CATSPER3: variants seen among roughly 807,000 people sequenced by gnomAD.
CATSPER3 encodes cation channel sperm-associated protein 3.
Under a neutral mutation model 36.6 loss-of-function variants are expected in CATSPER3, and 23 were observed. The ratio of observed to expected loss-of-function variants is 0.63; its 90% CI spans 0.45 to 0.89. The LOEUF is 0.89. Among genes scored for constraint, CATSPER3 ranks in the 40% least tolerant of loss-of-function variants. The pLI, the probability that CATSPER3 is intolerant of heterozygous loss-of-function variation, is 0.00. For missense variants in CATSPER3, 474 were observed against 503.9 expected, an observed-to-expected ratio of 0.94 and a Z score of 0.57; for synonymous variants, 172 against 184.1, an observed-to-expected ratio of 0.93 and a Z score of 0.53.
chr5:134,972,908 T>G (rs539956919), intron 2 of CATSPER3, among the ~76,000 whole-genome samples: 33 of 152,328 alleles, frequency 2.2e-4, no homozygotes, highest in African/African-American at 7.9e-4. Context: ...CAATGCAATG[T>G]GGCTTATAAG....
At chr5:135,008,227 C>A in intron 4 of CATSPER3, 88 bp downstream of exon 4, 1 of 1,105,034 alleles carries the variant, frequency 9.0e-7, no homozygotes, top group Non-Finnish European at 1.4e-6. Context: ...TGGGGCCTCA[C>A]ATGGGGCTTT....
At chr5:134,990,571 A>T (rs1185273230) in intron 2 of CATSPER3, among the ~76,000 whole-genome samples, 1 of 152,226 alleles carries the variant, frequency 6.6e-6, no homozygotes, top group Admixed American at 6.5e-5. Context: ...CAATAGTAAC[A>T]TCAAAGATCA....
At chr5:134,995,986 T>C (rs1751940190) in intron 2 of CATSPER3, 1 of 488,190 alleles carries the variant, frequency 2.0e-6, no homozygotes, top group South Asian at 2.1e-5. Flanking sequence ...TCAGGTTGAG[T>C]TGCAGTATGC....
chr5:134,991,357 A>G (rs987806210), intron 2 of CATSPER3, among the ~76,000 whole-genome samples: 1 of 152,246 alleles, frequency 6.6e-6, no homozygotes, highest in African/African-American at 2.4e-5. Flanking sequence ...AACGAGGAAC[A>G]AAGTTGGAGG....
intron 6 of CATSPER3, 70 bp from the exon 7 acceptor site, chr5:135,010,303 T>C: frequency 7.3e-7 from 1 of 1,363,640 alleles, no homozygotes; most frequent in Non-Finnish European, 1.0e-6. Context: ...TCCTGGAGAG[T>C]CTCCATGTCT....
chr5:134,977,745 C>G (rs762489580), intron 2 of CATSPER3, among the ~76,000 whole-genome samples: 1 of 152,128 alleles, frequency 6.6e-6, no homozygotes, highest in Non-Finnish European at 1.5e-5. Context: ...AAAGAAATAC[C>G]TGAGGCTGAG....
rs377081113 is a variant in CATSPER3, at chr5:135,010,578, T to C, written c.1094+48T>C. 4.8e-4 allele frequency: 746 copies of C among 1,566,520 alleles called. 2 individuals are homozygous for C. The highest frequency in any genetic ancestry group is 7.6e-4 in the South Asian group (68 of 89,968). ...CCTGGTCCCTAGGGCTTCCTCGAGG[T>C]TGGGCTGTGTCAGGTGCCCTGGGAG... On this transcript the variant is annotated intron_variant, in intron 7 of 7. Coordinates refer to ENST00000282611, the MANE Select transcript of CATSPER3 (RefSeq NM_178019.3).
At chr5:134,987,633 C>G (rs539794856) in intron 2 of CATSPER3, among the ~76,000 whole-genome samples, 1 of 152,088 alleles carries the variant, frequency 6.6e-6, no homozygotes, top group South Asian at 2.1e-4. Flanking sequence ...GGATTTATCT[C>G]AAGAAAGCAA....
Position 135,007,984 on chromosome 5 carries a change from G to A in CATSPER3, c.520G>A (p.Val174Ile). 1.9e-6 allele frequency: 3 copies of A among 1,614,114 alleles called. No individual in the cohort carries two copies. Among genetic ancestry groups the A allele is most frequent in the Non-Finnish European group, 2.5e-6 (3 of 1,180,016 alleles). ...RTLITAVGQT[V>I]YTVASVLLLL... ...GCTGATCACCGCCGTGGGGCAGACAGTCTACACCGTGGCCTCTGTGCTCCT... is the reference window on the plus strand; with the variant it reads ...GCTGATCACCGCCGTGGGGCAGACAATCTACACCGTGGCCTCTGTGCTCCT... The change falls in exon 4 of 8, where the codon GTC (valine) becomes ATC (isoleucine). Residue 174 changes from valine (V) to isoleucine (I), a missense_variant. Transcript: ENST00000282611.
intron 1 of CATSPER3, 145 bp downstream of exon 1, chr5:134,968,234 A>G: frequency 1.5e-6 from 1 of 684,584 alleles, no homozygotes; most frequent in Non-Finnish European, 2.6e-6. Flanking sequence ...TCTGGTTTCT[A>G]TGATTGGTGA....
At chr5:134,983,142 T>A (rs1223752373) in intron 2 of CATSPER3, among the ~76,000 whole-genome samples, 3 of 151,974 alleles carry the variant, frequency 2.0e-5, no homozygotes, top group African/African-American at 7.2e-5. Flanking sequence ...ATGGAGGAAT[T>A]GAGGAACAAA....
intron 2 of CATSPER3, among the ~76,000 whole-genome samples, chr5:134,982,402 T>A (rs1751761420): frequency 6.6e-6 from 1 of 152,014 alleles, no homozygotes; most frequent in Non-Finnish European, 1.5e-5. Context: ...AGACATGTAA[T>A]CAAACTGTCA....
chr5:135,000,024 A>C (rs926265157), intron 3 of CATSPER3, among the ~76,000 whole-genome samples: 1 of 152,228 alleles, frequency 6.6e-6, no homozygotes, highest in African/African-American at 2.4e-5. Context: ...TTGCGCATTC[A>C]GTATGGTATC....
At position 134,967,941 on chromosome 5, in the gene CATSPER3, G is replaced by T. The variant is rs1751553537; in HGVS notation, c.-51G>T. 7.2e-7 allele frequency: 1 copy of T among 1,384,230 alleles called. No individual in the cohort carries two copies. The highest frequency in any genetic ancestry group is 1.4e-5 in the African/African-American group (1 of 70,266). The allele number at this position is 1,384,230 out of a possible 1,614,324, so 85.7% of individuals were successfully genotyped here. Reference sequence around the variant, plus strand: ...ACGCTAAGGAAAATCCCTAAGCAGAGATTTTCTGTTGGATGCTAAAAGCAA... The same window carrying T: ...ACGCTAAGGAAAATCCCTAAGCAGATATTTTCTGTTGGATGCTAAAAGCAA... On this transcript the variant is annotated 5_prime_UTR_variant, in exon 1 of 8. Transcript: ENST00000282611.
chr5:134,985,794 G>A (rs887060133), intron 2 of CATSPER3, among the ~76,000 whole-genome samples: 14 of 151,328 alleles, frequency 9.3e-5, no homozygotes, highest in Admixed American at 4.0e-4. Flanking sequence ...AGCTGCTTGG[G>A]AGGCTGATGT....
Position 134,996,290 on chromosome 5 carries a change from T to G in CATSPER3, c.270T>G (p.Phe90Leu), listed in dbSNP as rs778514171. The change falls in exon 3 of 8, where the codon TTT (phenylalanine) becomes TTG (leucine). Residue 90 changes from phenylalanine to leucine, a missense_variant. By Grantham distance (22) the Phe-to-Leu change is conservative. Coordinates refer to ENST00000282611, the MANE Select transcript of CATSPER3 (RefSeq NM_178019.3). ...CCCTGTAGTTCTCGGAGATCTTCTT[T>G]GTGTCCATCTGCACATCTGAGTTGT... ...FRLLEFSEIF[F>L]VSICTSELSM... The G allele has an allele frequency of 1.2e-6, 2 of 1,614,134 alleles. No individual in the cohort carries two copies. Among genetic ancestry groups the G allele is most frequent in the Admixed American group, 1.7e-5 (1 of 60,012 alleles).
intron 2 of CATSPER3, among the ~76,000 whole-genome samples, chr5:134,993,985 C>T (rs1436544219): frequency 3.3e-5 from 5 of 152,056 alleles, no homozygotes; most frequent in South Asian, 2.1e-4. Context: ...ATTAGCCAGG[C>T]GTGGTGGCAG....
chr5:134,991,991 A>G (rs2149549666), intron 2 of CATSPER3, among the ~76,000 whole-genome samples: 1 of 152,008 alleles, frequency 6.6e-6, no homozygotes, highest in Non-Finnish European at 1.5e-5. Flanking sequence ...GTGTGGTGGC[A>G]TGTGCCTATG....
At chr5:134,972,236 T>C (rs1052274376) in intron 2 of CATSPER3, among the ~76,000 whole-genome samples, 4 of 152,172 alleles carry the variant, frequency 2.6e-5, no homozygotes, top group African/African-American at 7.2e-5. Context: ...TGTGGGTTGC[T>C]CAACTGGTAA....
Sources: allele counts gnomAD v4.1 joint callset (sites outside exome capture counted in the v4.1 genomes callset), GRCh38; gene constraint gnomAD v4.1.1; transcripts MANE v1.5; gene names NCBI Gene and HGNC (gene_info 2026-07-23, HGNC 2026-07-21).